FRMD4B: variants seen among roughly 807,000 people sequenced by gnomAD.
FRMD4B encodes FERM domain-containing protein 4B.
FRMD4B carries 74 observed loss-of-function variants against 141.5 expected under a neutral mutation model. The ratio of observed to expected loss-of-function variants is 0.52; its 90% CI spans 0.43 to 0.63. The LOEUF (loss-of-function observed/expected upper bound fraction) is 0.63, where lower values mean the gene tolerates loss of function less well. Among genes scored for constraint, FRMD4B ranks in the 30% least tolerant of loss-of-function variants. FRMD4B has a pLI of 0.00. For synonymous variants in FRMD4B, 506 were observed against 467.9 expected (o/e 1.08, Z -1.05); for missense variants, 1,366 against 1,253.4 (o/e 1.09, Z -1.36).
At chr3:69,402,032 G>A (rs988769245) in intron 2 of FRMD4B, among the ~76,000 whole-genome samples, 1 of 152,196 alleles carries the variant, frequency 6.6e-6, no homozygotes, top group Non-Finnish European at 1.5e-5. Context: ...ACAGCCTCCT[G>A]TCTCAGCATA....
At chr3:69,390,316 G>T (rs9813311), upstream of FRMD4B, among the ~76,000 whole-genome samples, 1 of 151,380 alleles carries the variant, frequency 6.6e-6, no homozygotes. Context: ...TAAACTGACA[G>T]ATCATGGACG....
At chr3:69,208,294 C>T (rs2093043402) in intron 11 of FRMD4B, among the ~76,000 whole-genome samples, 1 of 152,132 alleles carries the variant, frequency 6.6e-6, no homozygotes, top group Admixed American at 6.5e-5. Flanking sequence ...CAACTCCTCA[C>T]CTCAGGTGAT....
intron 5 of FRMD4B, among the ~76,000 whole-genome samples, chr3:69,250,605 C>A (rs2093458620): frequency 6.6e-6 from 1 of 151,876 alleles, no homozygotes; most frequent in Non-Finnish European, 1.5e-5. Flanking sequence ...TTGTTGAGTT[C>A]ATATTTGTAC....
chr3:69,397,035 T>A (rs1704485005), intron 2 of FRMD4B, among the ~76,000 whole-genome samples: 1 of 152,208 alleles, frequency 6.6e-6, no homozygotes, highest in South Asian at 2.1e-4. Context: ...TGAAAACGTA[T>A]GTTCACACAC....
At chr3:69,502,293 T>C (rs1706511499) in intron 1 of FRMD4B, among the ~76,000 whole-genome samples, 1 of 152,164 alleles carries the variant, frequency 6.6e-6, no homozygotes, top group African/African-American at 2.4e-5. Flanking sequence ...ACTACAAGGC[T>C]ACAGTAACCA....
intron 5 of FRMD4B, among the ~76,000 whole-genome samples, chr3:69,257,000 A>G (rs2093497252): frequency 1.3e-5 from 2 of 152,206 alleles, no homozygotes; most frequent in South Asian, 4.1e-4. Context: ...TGGGCATTAT[A>G]AGGTGGTAGG....
chr3:69,348,121 A>C (rs1254535263), intron 1 of FRMD4B, among the ~76,000 whole-genome samples: 1 of 152,200 alleles, frequency 6.6e-6, no homozygotes, highest in East Asian at 1.9e-4. Context: ...GAAGAATCAA[A>C]TAGATGCAAT....
At chr3:69,281,332 T>C (rs923271079) in intron 5 of FRMD4B, among the ~76,000 whole-genome samples, 1 of 152,190 alleles carries the variant, frequency 6.6e-6, no homozygotes, top group Non-Finnish European at 1.5e-5. Context: ...CAGTAATACC[T>C]GGAAAATGAA....
intron 1 of FRMD4B, among the ~76,000 whole-genome samples, chr3:69,314,223 T>G (rs1172309411): frequency 4.4e-5 from 4 of 90,470 alleles, no homozygotes; most frequent in African/African-American, 1.7e-4. Flanking sequence ...AATTAATGTT[T>G]TATTAAAAAA....
At chr3:69,317,065 A>T (rs1466237794) in intron 1 of FRMD4B, among the ~76,000 whole-genome samples, 2 of 148,982 alleles carry the variant, frequency 1.3e-5, no homozygotes, top group African/African-American at 2.5e-5. Context: ...GGGCAACAAG[A>T]GCGAAACTCC....
intron 3 of FRMD4B, among the ~76,000 whole-genome samples, chr3:69,305,321 T>C (rs1701358095): frequency 1.3e-5 from 2 of 152,222 alleles, no homozygotes; most frequent in African/African-American, 4.8e-5. Flanking sequence ...TGATACCTGT[T>C]TCCAGCTTTC....
At chr3:69,378,835 T>C (rs1172663513) in intron 1 of FRMD4B, among the ~76,000 whole-genome samples, 1 of 151,998 alleles carries the variant, frequency 6.6e-6, no homozygotes, top group Admixed American at 6.6e-5. Context: ...AACCCTCTTA[T>C]AATCCCCAAC....
At chr3:69,200,126 G>A (rs1205119787) in intron 11 of FRMD4B, among the ~76,000 whole-genome samples, 2 of 152,068 alleles carry the variant, frequency 1.3e-5, no homozygotes, top group East Asian at 1.9e-4. Context: ...CCTGACATAC[G>A]GGAACCCAGG....
intron 2 of FRMD4B, among the ~76,000 whole-genome samples, chr3:69,431,212 A>G (rs1406657813): frequency 6.6e-6 from 1 of 152,248 alleles, no homozygotes; most frequent in Non-Finnish European, 1.5e-5. Context: ...AGATGGTCTT[A>G]TTTGTAACTT....
chr3:69,496,615 GAGAGAGAGAGAGAGAGAGAGAA>G (rs1470423210), intron 1 of FRMD4B, among the ~76,000 whole-genome samples: 22 of 38,072 alleles, frequency 5.8e-4, no homozygotes, highest in African/African-American at 1.2e-3. Context: ...GAGAGAGTGA[GAGAGAGAGAGAGAGAGAGAGAA>G]AGAGAGAGAG....
intron 1 of FRMD4B, among the ~76,000 whole-genome samples, chr3:69,314,252 G>C (rs1292889540): frequency 9.8e-5 from 13 of 133,046 alleles, no homozygotes; most frequent in African/African-American, 3.5e-4. Context: ...AGCCAGCCAG[G>C]CACAGTGGCT....
chr3:69,465,311 C>T (rs927072813), intron 1 of FRMD4B, among the ~76,000 whole-genome samples: 35 of 140,588 alleles, frequency 2.5e-4, no homozygotes, highest in Non-Finnish European at 3.7e-4. Flanking sequence ...CAGAGCGAGG[C>T]TCCGTCTCAA....
intron 5 of FRMD4B, among the ~76,000 whole-genome samples, chr3:69,260,206 G>C (rs557074740): frequency 6.6e-6 from 1 of 152,314 alleles, no homozygotes; most frequent in African/African-American, 2.4e-5. Flanking sequence ...CACTGTAGGA[G>C]CCCCTCTCTG....
rs529883380 is a variant in FRMD4B at position 69,473,230 on chromosome 3, C to T, written c.-128-40469G>A. 1.2e-4 allele frequency among the ~76,000 whole-genome samples: 19 copies of T among 152,132 alleles called. 1 individual carries two copies. Among genetic ancestry groups the T allele is most frequent in the Admixed American group, 1.0e-3 (16 of 15,278 alleles). On this transcript the variant is annotated intron_variant, in intron 1 of 5. Coordinates refer to the FRMD4B transcript ENST00000459638. ...GCCTTCTCTCTTCCTATACTCCATA[C>T]CTCCAGCAAGCACTTATGTATTCTT...
Sources: gnomAD v4.1 joint callset for allele counts (sites outside exome capture counted in the v4.1 genomes callset) on GRCh38, gnomAD v4.1.1 for gene constraint, MANE v1.5 for transcripts, NCBI Gene and HGNC (gene_info 2026-07-23, HGNC 2026-07-21) for gene names.